The following ERP27 variants were observed in gnomAD, a reference collection of about 807,000 sequenced individuals.
ERP27 encodes the protein endoplasmic reticulum resident protein 27.
A neutral mutation model predicts 27.7 loss-of-function variants in ERP27; 23 were observed. The ratio of observed to expected loss-of-function variants is 0.83; its 90% CI spans 0.60 to 1.18. The LOEUF is 1.18. ERP27 is among the 50% of genes most tolerant of loss of function. ERP27 has a pLI of 0.00. For missense variants in ERP27, 363 were observed against 327.9 expected, an observed-to-expected ratio of 1.11 and a Z score of -0.83; for synonymous variants, 159 against 118.3, an observed-to-expected ratio of 1.34 and a Z score of -2.23.
intron 3 of ERP27, among the ~76,000 whole-genome samples, chr12:14,932,926 T>C (rs1172252468): frequency 1.3e-5 from 2 of 152,194 alleles, no homozygotes; most frequent in East Asian, 3.8e-4. Flanking sequence ...GTTTTGAACA[T>C]TTTAAGAGTA....
At position 14,929,104 on chromosome 12, in the gene ERP27, A is replaced by C. The variant is rs1052655817; in HGVS notation, c.333+5752T>G. The C allele has an allele frequency of 1.1e-5, 17 of 1,508,898 alleles. 1 individual carries two copies. The South Asian group carries it at 2.0e-4, about 18-fold the overall frequency. 93.5% of individuals were successfully genotyped at this position (1,508,898 alleles called of 1,614,324 possible). A position where few individuals can be genotyped will look rare whatever the true frequency, so the allele number is the denominator to read the frequency against. On this transcript the variant is annotated intron_variant, in intron 3 of 6. Coordinates refer to ENST00000266397, the MANE Select transcript of ERP27 (RefSeq NM_152321.4). ...AGGAATTCCTAGGTCTGGTGCCTGCACCTCAGCTCACATCGCTGTGCATGG... is the reference window on the plus strand; with the variant it reads ...AGGAATTCCTAGGTCTGGTGCCTGCCCCTCAGCTCACATCGCTGTGCATGG...
chr12:14,932,813 A>C (rs1023251681), intron 3 of ERP27, among the ~76,000 whole-genome samples: 3 of 152,248 alleles, frequency 2.0e-5, no homozygotes, highest in Non-Finnish European at 4.4e-5. Flanking sequence ...TTCAAGATAG[A>C]AGATACAACT....
intron 3 of ERP27, among the ~76,000 whole-genome samples, chr12:14,921,342 C>T (rs1173956592): frequency 6.6e-6 from 1 of 152,168 alleles, no homozygotes; most frequent in African/African-American, 2.4e-5. Context: ...GTGGCTAAGA[C>T]TTGATCAGAT....
At chr12:14,923,456 T>C (rs1035622340) in intron 3 of ERP27, among the ~76,000 whole-genome samples, 5 of 151,276 alleles carry the variant, frequency 3.3e-5, no homozygotes, top group Admixed American at 2.6e-4. Context: ...TGTAAAAATG[T>C]AATTTTTACT....
chr12:14,923,284 T>G (rs1200013401), intron 3 of ERP27, among the ~76,000 whole-genome samples: 1 of 152,064 alleles, frequency 6.6e-6, no homozygotes, highest in East Asian at 1.9e-4. Context: ...ACTAAAACGC[T>G]GGCTCATCTA....
intron 6 of ERP27, 60 bp from the exon 7 acceptor site, chr12:14,914,842 G>A (rs1863383893): frequency 8.3e-6 from 11 of 1,329,594 alleles, no homozygotes; most frequent in Non-Finnish European, 1.2e-5. Flanking sequence ...ACTCCTGGAA[G>A]TCCTAAATCC....
chr12:14,928,038 A>T (rs1443475233), intron 3 of ERP27, among the ~76,000 whole-genome samples: 1 of 152,204 alleles, frequency 6.6e-6, no homozygotes, highest in Non-Finnish European at 1.5e-5. Context: ...GCCTATAGAT[A>T]AAATTATTAG....
chr12:14,928,830 T>A (rs1427678280), intron 3 of ERP27: 2 of 1,069,848 alleles, frequency 1.9e-6, no homozygotes, highest in African/African-American at 3.1e-5. Flanking sequence ...CCCACCCTCC[T>A]ACCACCTCCT....
At chr12:14,924,117 A>G (rs1863558227) in intron 3 of ERP27, among the ~76,000 whole-genome samples, 1 of 152,096 alleles carries the variant, frequency 6.6e-6, no homozygotes, top group South Asian at 2.1e-4. Flanking sequence ...TATGAATGAG[A>G]TCATGTGGTA....
intron 3 of ERP27, among the ~76,000 whole-genome samples, chr12:14,932,336 A>C (rs555484183): frequency 6.6e-6 from 1 of 152,208 alleles, no homozygotes; most frequent in Non-Finnish European, 1.5e-5. Flanking sequence ...GAAGGGTAAC[A>C]TTCCTGAACT....
intron 4 of ERP27, among the ~76,000 whole-genome samples, chr12:14,919,694 C>T (rs1389311346): frequency 2.0e-5 from 3 of 152,152 alleles, no homozygotes; most frequent in Non-Finnish European, 2.9e-5. Context: ...AAAGCAAGGG[C>T]AACTACATAG....
intron 3 of ERP27, among the ~76,000 whole-genome samples, chr12:14,925,110 T>C (rs1484861580): frequency 6.6e-6 from 1 of 152,178 alleles, no homozygotes; most frequent in Non-Finnish European, 1.5e-5. Context: ...GTAGCCATTC[T>C]TTCATTCCTT....
intron 2 of ERP27, among the ~76,000 whole-genome samples, 189 bp downstream of exon 2, chr12:14,937,763 A>G (rs1863793084): frequency 6.6e-6 from 1 of 152,252 alleles, no homozygotes; most frequent in Non-Finnish European, 1.5e-5. Flanking sequence ...TGAGAAAGAT[A>G]TAATTTAGAG....
At chr12:14,919,551 C>T (rs1425366991) in intron 4 of ERP27, among the ~76,000 whole-genome samples, 1 of 152,080 alleles carries the variant, frequency 6.6e-6, no homozygotes, top group Non-Finnish European at 1.5e-5. Flanking sequence ...AATAGAGTCA[C>T]CAACTCCACA....
chr12:14,929,041 AC>A, intron 3 of ERP27: 1 of 1,534,894 alleles, frequency 6.5e-7, no homozygotes, highest in Non-Finnish European at 8.7e-7. Context: ...GACTCGTTTA[AC>A]ATTTGATGTG....
chr12:14,931,222 G>A (rs1565453288), intron 3 of ERP27, among the ~76,000 whole-genome samples: 1 of 152,032 alleles, frequency 6.6e-6, no homozygotes, highest in Non-Finnish European at 1.5e-5. Context: ...TGAATTAAAT[G>A]GTCAAATATT....
intron 3 of ERP27, chr12:14,929,140 C>A (rs532808202): frequency 8.0e-5 from 116 of 1,443,466 alleles, no homozygotes; most frequent in Non-Finnish European, 1.0e-4. Context: ...ATCAAGAATC[C>A]CCCCCTCCCT....
intron 3 of ERP27, among the ~76,000 whole-genome samples, chr12:14,932,104 C>T (rs117281230): frequency 9.9e-5 from 15 of 152,150 alleles, no homozygotes; most frequent in East Asian, 5.8e-4. Flanking sequence ...AAGCACCCTC[C>T]GAGTGCCTTT....
chr12:14,935,053 T>A, intron 2 of ERP27, 60 bp from the exon 3 acceptor site: 1 of 1,568,630 alleles, frequency 6.4e-7, no homozygotes, highest in Non-Finnish European at 8.7e-7. Context: ...AGACAAACGA[T>A]AGGCAAAAGA....
Sources: allele counts gnomAD v4.1 joint callset (sites outside exome capture counted in the v4.1 genomes callset), GRCh38; gene constraint gnomAD v4.1.1; transcripts MANE v1.5; gene names NCBI Gene and HGNC (gene_info 2026-07-23, HGNC 2026-07-21).